PRKG1: variants seen among roughly 807,000 people sequenced by gnomAD.
PRKG1 encodes the protein protein kinase cGMP-dependent 1.
A neutral mutation model predicts 88.1 loss-of-function variants in PRKG1; 35 were observed. The observed-to-expected ratio is 0.40, with a 90% CI of 0.30 to 0.53. PRKG1 has a LOEUF of 0.53. Ranked by LOEUF, PRKG1 falls within the 20% of genes least tolerant of loss-of-function variation. The pLI, the probability that PRKG1 is intolerant of heterozygous loss-of-function variation, is 0.59. For synonymous variants in PRKG1, 303 were observed against 292.5 expected, an observed-to-expected ratio of 1.04 and a Z score of -0.37; for missense variants, 540 against 839.8, an observed-to-expected ratio of 0.64 and a Z score of 4.41.
chr10:52,157,075 G>A (rs1407078870), intron 8 of PRKG1, among the ~76,000 whole-genome samples: 1 of 151,122 alleles, frequency 6.6e-6, no homozygotes, highest in Non-Finnish European at 1.5e-5. Flanking sequence ...TGTTTTGAAT[G>A]TTATGAGACT....
chr10:51,483,094 C>T (rs1840418956), intron 3 of PRKG1, among the ~76,000 whole-genome samples: 1 of 140,622 alleles, frequency 7.1e-6, no homozygotes, highest in African/African-American at 2.7e-5. Flanking sequence ...AATCTCAGTT[C>T]ACTGCAACCT....
intron 5 of PRKG1, among the ~76,000 whole-genome samples, chr10:52,026,743 G>A (rs748371833): frequency 2.0e-5 from 3 of 152,154 alleles, no homozygotes; most frequent in Non-Finnish European, 4.4e-5. Context: ...TTGGGAGGCC[G>A]AGGCACGCGG....
chr10:51,340,477 T>C (rs1020031049), intron 2 of PRKG1, among the ~76,000 whole-genome samples: 4 of 152,082 alleles, frequency 2.6e-5, no homozygotes, highest in African/African-American at 9.7e-5. Flanking sequence ...TCCAAATGTT[T>C]ACTTCATTTC....
At chr10:51,200,633 G>A (rs1336729461) in intron 2 of PRKG1, among the ~76,000 whole-genome samples, 1 of 152,096 alleles carries the variant, frequency 6.6e-6, no homozygotes, top group Non-Finnish European at 1.5e-5. Context: ...TACATTGTTG[G>A]CACCCAAAAT....
intron 5 of PRKG1, among the ~76,000 whole-genome samples, chr10:51,963,692 C>T (rs1201445978): frequency 6.6e-6 from 1 of 152,106 alleles, no homozygotes; most frequent in Non-Finnish European, 1.5e-5. Flanking sequence ...AAGAGATCCA[C>T]CCACTCCAGC....
chr10:51,813,549 A>G (rs568688197), intron 4 of PRKG1, among the ~76,000 whole-genome samples: 2 of 152,216 alleles, frequency 1.3e-5, no homozygotes, highest in Admixed American at 6.6e-5. Flanking sequence ...TACTATTATA[A>G]CATCATTTCC....
intron 2 of PRKG1, among the ~76,000 whole-genome samples, chr10:51,395,451 C>A (rs546813235): frequency 3.7e-4 from 56 of 152,148 alleles, no homozygotes; most frequent in Non-Finnish European, 6.5e-4. Context: ...CTTATGCCTG[C>A]CCTGGTTCAG....
Position 51,697,883 on chromosome 10 carries a change from C to T in PRKG1, c.593-106702C>T, listed in dbSNP as rs758231079. The T allele has an allele frequency of 1.2e-5, 20 of 1,612,924 alleles. No individual in the cohort carries two copies. In the South Asian group the frequency reaches 2.2e-4, roughly 18 times the overall value. ...AGGACTAAAACTGCTAGGCTGGCTT[C>T]CACCTTGCTTGCTTGCCCCCTGTAT... On this transcript the variant is annotated intron_variant, in intron 3 of 17. Transcript: ENST00000373980.
At chr10:51,554,761 A>C (rs1015298043) in intron 3 of PRKG1, among the ~76,000 whole-genome samples, 6 of 151,806 alleles carry the variant, frequency 4.0e-5, no homozygotes, top group African/African-American at 1.2e-4. Flanking sequence ...GGATACATGT[A>C]GTGGGTCCTC....
intron 9 of PRKG1, among the ~76,000 whole-genome samples, chr10:52,233,622 G>A (rs1281707591): frequency 5.5e-5 from 8 of 145,568 alleles, no homozygotes; most frequent in African/African-American, 1.3e-4. Context: ...AAAAAACGGC[G>A]CACCACGAGA....
At chr10:52,026,318 AG>A (rs1845335719) in intron 5 of PRKG1, among the ~76,000 whole-genome samples, 1 of 152,190 alleles carries the variant, frequency 6.6e-6, no homozygotes, top group African/African-American at 2.4e-5. Context: ...AAATAGTGAG[AG>A]GCATGGAAGT....
At chr10:51,301,249 A>G (rs958336813) in intron 2 of PRKG1, among the ~76,000 whole-genome samples, 5 of 152,116 alleles carry the variant, frequency 3.3e-5, no homozygotes, top group African/African-American at 1.2e-4. Context: ...CCCTTCCTTA[A>G]TATTGGCTGA....
chr10:52,038,164 G>A (rs1845665442), intron 5 of PRKG1, among the ~76,000 whole-genome samples: 1 of 152,136 alleles, frequency 6.6e-6, no homozygotes. Context: ...TAGGTCAGGT[G>A]TGAGTTGAAG....
At chr10:51,077,240 C>G (rs1005289263) in intron 1 of PRKG1, among the ~76,000 whole-genome samples, 1 of 152,212 alleles carries the variant, frequency 6.6e-6, no homozygotes, top group African/African-American at 2.4e-5. Context: ...TTTGATTACA[C>G]GGACTTACTG....
chr10:51,434,000 G>GC (rs1444950175), intron 2 of PRKG1, among the ~76,000 whole-genome samples: 2 of 152,016 alleles, frequency 1.3e-5, no homozygotes, highest in Non-Finnish European at 2.9e-5. Flanking sequence ...TTTCCTAGGT[G>GC]CCCCTGCCAT....
chr10:52,185,080 G>A (rs984282231), intron 9 of PRKG1: 10 of 152,188 alleles, frequency 6.6e-5, no homozygotes, highest in South Asian at 4.2e-4. Flanking sequence ...CCTCCCAATA[G>A]TCCCCCAAAG....
At chr10:51,185,890 T>G (rs926427123) in intron 2 of PRKG1, among the ~76,000 whole-genome samples, 1 of 151,820 alleles carries the variant, frequency 6.6e-6, no homozygotes, top group Non-Finnish European at 1.5e-5. Context: ...GTACACATTT[T>G]AAGTCATTTC....
chr10:51,045,822 A>C (rs1385134928), intron 1 of PRKG1, among the ~76,000 whole-genome samples: 2 of 152,228 alleles, frequency 1.3e-5, no homozygotes, highest in Non-Finnish European at 2.9e-5. Context: ...TTAACCATAC[A>C]TAACTTAATA....
intron 2 of PRKG1, among the ~76,000 whole-genome samples, chr10:51,371,435 G>T (rs979821903): frequency 5.3e-5 from 8 of 151,990 alleles, no homozygotes; most frequent in Admixed American, 3.3e-4. Context: ...TGAGTCTGAG[G>T]GGGTGGTGGG....
Sources: allele counts gnomAD v4.1 joint callset (sites outside exome capture counted in the v4.1 genomes callset), GRCh38; gene constraint gnomAD v4.1.1; transcripts MANE v1.5; gene names NCBI Gene and HGNC (gene_info 2026-07-23, HGNC 2026-07-21).